Variants in GPI observed in about 807,000 individuals in gnomAD.
GPI encodes D-hexose-6-phosphate anomerase.
In GPI, 56 loss-of-function variants were observed where a neutral mutation model predicts 75.8. The ratio of observed to expected loss-of-function variants is 0.74; its 90% CI spans 0.60 to 0.92. GPI has a LOEUF of 0.92. Ranked by LOEUF, GPI falls within the 40% of genes least tolerant of loss-of-function variation. The pLI is 0.00. For missense variants in GPI, 638 were observed against 741.0 expected, an observed-to-expected ratio of 0.86 and a Z score of 1.61; for synonymous variants, 288 against 285.4, an observed-to-expected ratio of 1.01 and a Z score of -0.09.
chr19:34,366,848 C>G lies in GPI; in HGVS notation c.279C>G (p.Thr93=), dbSNP rs757180020. The change falls in exon 3 of 18, where the codon ACC becomes ACG. Residue 93 remains threonine, a synonymous_variant. Transcript: ENST00000356487. Reference sequence around the variant, plus strand: ...TCAATGGTGAGAAGATCAACTACACCGAGGTGAGCAGGCCCCACATACCCT... The same window carrying G: ...TCAATGGTGAGAAGATCAACTACACGGAGGTGAGCAGGCCCCACATACCCT... ...RMFNGEKINY[T]EGRAVLHVAL... is the part of the protein sequence containing the mutation. 9 of 1,610,836 alleles carry G rather than the reference C, an allele frequency of 5.6e-6. No homozygotes were observed. Among genetic ancestry groups the G allele is most frequent in the Non-Finnish European group, 7.6e-6 (9 of 1,177,170 alleles).
chr19:34,376,778 T>TG (rs1460605073), intron 4 of GPI, among the ~76,000 whole-genome samples: 2 of 152,062 alleles, frequency 1.3e-5, no homozygotes, highest in Non-Finnish European at 2.9e-5. Context: ...CGAGGCGCGG[T>TG]GGCTCACACC....
At chr19:34,394,110 G>C (rs1285665732) in intron 12 of GPI, 44 bp downstream of exon 12, 1 of 1,521,610 alleles carries the variant, frequency 6.6e-7, no homozygotes, top group South Asian at 1.1e-5. Context: ...AAGATTTGTG[G>C]GGGGTCTGGG....
upstream of GPI, among the ~76,000 whole-genome samples, chr19:34,361,309 G>A (rs2074300228): frequency 6.6e-6 from 1 of 151,862 alleles, no homozygotes; most frequent in African/African-American, 2.4e-5. Context: ...GCTCAGGCTG[G>A]TCTCGAACTC....
rs144761841 is a variant in GPI, at chr19:34,366,974, G to T, written c.282+123G>T. 206 of 793,120 alleles carry T rather than the reference G, an allele frequency of 2.6e-4. No homozygotes were observed. The East Asian group carries it at 4.6e-3, about 18-fold the overall frequency. 49.1% of individuals were successfully genotyped at this position (793,120 alleles called of 1,614,324 possible). On this transcript the variant is annotated intron_variant, in intron 3 of 17. Coordinates refer to ENST00000356487, the MANE Select transcript of GPI (RefSeq NM_000175.5). ...GGGCAATGCTTTTGCTTAATGAGGG[G>T]CCTGAAGGCCTTTTTCCTCCTGCTT... is the stretch of plus-strand genomic sequence containing the variant.
intron 4 of GPI, among the ~76,000 whole-genome samples, chr19:34,375,959 G>A (rs1488872648): frequency 6.6e-6 from 1 of 152,216 alleles, no homozygotes; most frequent in Non-Finnish European, 1.5e-5. Flanking sequence ...GCATAGCCCA[G>A]TCACAGTTTT....
At chr19:34,387,837 C>A (rs547689452) in intron 9 of GPI, among the ~76,000 whole-genome samples, 2 of 152,246 alleles carry the variant, frequency 1.3e-5, no homozygotes, top group East Asian at 3.9e-4. Flanking sequence ...TGGGTGGGGT[C>A]TAGCACAGGA....
At position 34,393,600 on chromosome 19, in the gene GPI, T is replaced by C. The variant is rs2145420797; in HGVS notation, c.866-128T>C. ...TCTCACTGGAGGGGCTTTGTCTAGG[T>C]CCGAGTCCTCCCATGTCGTATCTTC... On this transcript the variant is annotated intron_variant, in intron 10 of 17. Coordinates refer to ENST00000356487, the MANE Select transcript of GPI (RefSeq NM_000175.5). This position sits in a 1 kb window ranked among gnomAD's most constrained non-coding sequence, Gnocchi z 4.4. The C allele has an allele frequency of 1.1e-6, 1 of 902,686 alleles. No individual in the cohort carries two copies. Among genetic ancestry groups the C allele is most frequent in the Non-Finnish European group, 1.8e-6 (1 of 548,606 alleles). The allele number at this position is 902,686 out of a possible 1,614,324, so 55.9% of individuals were successfully genotyped here. A position where few individuals can be genotyped will look rare whatever the true frequency, so the allele number is the denominator to read the frequency against.
Position 34,368,734 on chromosome 19 carries a change from G to T in GPI, c.402+32G>T, listed in dbSNP as rs754238376. On this transcript the variant is annotated intron_variant, in intron 4 of 17. Transcript: ENST00000356487. ...GGCTACTGGGCCGGACTCACCCTTG[G>T]CCGTGTGTGTGAGTTATTTGGGAAT... The T allele has an allele frequency of 9.3e-6, 15 of 1,613,738 alleles. No individual in the cohort carries two copies. The Middle Eastern group carries it at 4.9e-4, about 53-fold the overall frequency.
At chr19:34,392,248 A>ATCTGGTGC (rs1458499630) in intron 9 of GPI, 3 of 6,330 alleles carry the variant, frequency 4.7e-4, no homozygotes, top group Admixed American at 2.1e-3. Context: ...AAGAGGTAGG[A>ATCTGGTGC]ATCTGGTACA....
At chr19:34,386,767 C>T (rs1032625289) in intron 9 of GPI, among the ~76,000 whole-genome samples, 2 of 152,136 alleles carry the variant, frequency 1.3e-5, no homozygotes, top group Non-Finnish European at 2.9e-5. Flanking sequence ...AGACATACAG[C>T]TGGGGTCTTG....
chr19:34,399,874 T>TATTCC, intron 17 of GPI, 27 bp from the exon 18 acceptor site: 5 of 1,613,788 alleles, frequency 3.1e-6, no homozygotes, highest in Non-Finnish European at 4.2e-6. Context: ...CTCATACCAC[T>TATTCC]CTTCCCTTCC....
At position 34,366,419 on chromosome 19, in the gene GPI, G is replaced by A. The variant is rs762109743; in HGVS notation, c.197G>A (p.Arg66Gln). The change falls in exon 2 of 18, where the codon CGG becomes CAG. Residue 66 changes from arginine to glutamine, a missense_variant. Arg to Gln is a conservative substitution (Grantham distance 43). Coordinates refer to ENST00000356487, the MANE Select transcript of GPI (RefSeq NM_000175.5). ...SKNLVTEDVM[R>Q]MLVDLAKSRG... ...AACCTGGTGACGGAGGACGTGATGCGGATGCTGGTGGACTTGGTAATGTTC... is the reference window on the plus strand; with the variant it reads ...AACCTGGTGACGGAGGACGTGATGCAGATGCTGGTGGACTTGGTAATGTTC... 2.0e-5 allele frequency: 33 copies of A among 1,610,938 alleles called. 1 individual carries two copies. In the South Asian group the frequency reaches 2.1e-4, roughly 10 times the overall value.
upstream of GPI, among the ~76,000 whole-genome samples, chr19:34,364,316 A>G (rs2074322527): frequency 6.6e-6 from 1 of 151,608 alleles, no homozygotes; most frequent in African/African-American, 2.4e-5. Context: ...GCCCAGCCCC[A>G]GAGTTCTTAC....
chr19:34,388,911 A>G (rs1243486213), intron 9 of GPI, among the ~76,000 whole-genome samples: 1 of 151,836 alleles, frequency 6.6e-6, no homozygotes, highest in Non-Finnish European at 1.5e-5. Context: ...TGGACAACAG[A>G]GCAAGACCCC....
chr19:34,379,755 G>C (rs1454191628), intron 8 of GPI, 193 bp downstream of exon 8: 1 of 687,328 alleles, frequency 1.5e-6, no homozygotes, highest in African/African-American at 1.8e-5. Context: ...CTGCAGCTTT[G>C]AGGAGGGAGG....
chr19:34,365,747 G>A, intron 1 of GPI: 1 of 493,264 alleles, frequency 2.0e-6, no homozygotes, highest in African/African-American at 1.9e-5. Flanking sequence ...GCGGGAAAGG[G>A]CTGTCCCTTT....
intron 12 of GPI, 135 bp downstream of exon 12, chr19:34,394,201 T>C (rs1318530108): frequency 7.6e-6 from 5 of 656,254 alleles, no homozygotes; most frequent in South Asian, 1.7e-5. Flanking sequence ...CCATCTGTGC[T>C]CCTTGTCTCA....
Position 34,393,791 on chromosome 19 carries a change from C to T in GPI, c.909+20C>T, listed in dbSNP as rs767082625. On this transcript the variant is annotated intron_variant, in intron 11 of 17. Transcript: ENST00000356487. The surrounding 1 kb of genome is among the most constrained non-coding windows in gnomAD (Gnocchi z 4.4). Reference sequence around the variant, plus strand: ...TGGATGGTGAGTGCTGAGGCTGGTTCTCTGCCAAGTGCTGGCCAGAGGCGC... The same window carrying T: ...TGGATGGTGAGTGCTGAGGCTGGTTTTCTGCCAAGTGCTGGCCAGAGGCGC... The T allele has an allele frequency of 3.1e-6, 5 of 1,612,556 alleles. No individual in the cohort carries two copies. In the East Asian group the frequency reaches 1.1e-4, roughly 36 times the overall value.
chr19:34,396,003 A>G (rs1235698504), intron 12 of GPI, among the ~76,000 whole-genome samples: 1 of 136,922 alleles, frequency 7.3e-6, no homozygotes, highest in African/African-American at 2.8e-5. Flanking sequence ...CAGTGGCATG[A>G]TCTCGGCTCA....
Sources: gnomAD v4.1 joint callset for allele counts (sites outside exome capture counted in the v4.1 genomes callset) on GRCh38, gnomAD v4.1.1 for gene constraint, Gnocchi (gnomAD v3.1) non-coding constraint, MANE v1.5 for transcripts, NCBI Gene and HGNC (gene_info 2026-07-23, HGNC 2026-07-21) for gene names.